HECW2: variants seen among roughly 807,000 people sequenced by gnomAD.
HECW2 encodes E3 ubiquitin-protein ligase HECW2.
Under a neutral mutation model 175.2 loss-of-function variants are expected in HECW2, and 61 were observed. That is an observed-to-expected ratio of 0.35 (90% CI 0.28 to 0.43). The LOEUF is 0.43. Among genes scored for constraint, HECW2 ranks in the 20% least tolerant of loss-of-function variants. HECW2 has a pLI of 1.00. For missense variants in HECW2, 1,524 were observed against 2,000.5 expected, an observed-to-expected ratio of 0.76 and a Z score of 4.54; for synonymous variants, 671 against 731.0, an observed-to-expected ratio of 0.92 and a Z score of 1.32.
At chr2:196,546,275 G>C (rs1426555575) in intron 1 of HECW2, among the ~76,000 whole-genome samples, 1 of 152,192 alleles carries the variant, frequency 6.6e-6, no homozygotes, top group East Asian at 1.9e-4. Context: ...GCCACAAAGA[G>C]AAGCAAGTAG....
At chr2:196,557,348 T>C (rs570766571) in intron 1 of HECW2, among the ~76,000 whole-genome samples, 3 of 151,618 alleles carry the variant, frequency 2.0e-5, no homozygotes, top group Admixed American at 6.6e-5. Flanking sequence ...TGAGCCAAGA[T>C]TGCACCATTG....
chr2:196,384,399 A>G (rs1694291229), intron 2 of HECW2, among the ~76,000 whole-genome samples: 1 of 151,892 alleles, frequency 6.6e-6, no homozygotes, highest in Non-Finnish European at 1.5e-5. Flanking sequence ...TGCATAATAT[A>G]GAAAGACCCC....
intron 1 of HECW2, among the ~76,000 whole-genome samples, chr2:196,553,686 C>T (rs950377906): frequency 6.6e-6 from 1 of 152,124 alleles, no homozygotes; most frequent in Non-Finnish European, 1.5e-5. Flanking sequence ...CTCTGATTTG[C>T]GGAACAACAG....
chr2:196,306,542 G>C lies in HECW2; in HGVS notation c.2760C>G (p.Pro920=). ...RSRITLLLQS[P]PVKFLISPEF... ...CTGGGCTGATGAGGAACTTCACGGGGGGAGACTGTAACAGCAACGTGATCC... is the reference window on the plus strand; with the variant it reads ...CTGGGCTGATGAGGAACTTCACGGGCGGAGACTGTAACAGCAACGTGATCC... The change falls in exon 13 of 29, where the codon CCC becomes CCG. Residue 920 remains proline (P), a synonymous_variant. Coordinates refer to ENST00000644978, the MANE Select transcript of HECW2 (RefSeq NM_001348768.2). 6.2e-7 allele frequency: 1 copy of C among 1,612,970 alleles called. No homozygotes were observed. The highest frequency in any genetic ancestry group is 8.5e-7 in the Non-Finnish European group (1 of 1,179,488).
intron 28 of HECW2, among the ~76,000 whole-genome samples, chr2:196,208,386 A>G (rs1367081350): frequency 1.3e-5 from 2 of 152,246 alleles, no homozygotes; most frequent in Non-Finnish European, 2.9e-5. Context: ...ACTAAAAACA[A>G]TATTTATGGA....
chr2:196,423,419 T>C (rs1695457329), intron 2 of HECW2, among the ~76,000 whole-genome samples: 2 of 152,106 alleles, frequency 1.3e-5, no homozygotes, highest in African/African-American at 4.8e-5. Context: ...CAACAATTGA[T>C]AACGTCAGAG....
intron 1 of HECW2, among the ~76,000 whole-genome samples, chr2:196,521,843 T>A (rs1402471673): frequency 6.7e-6 from 1 of 150,046 alleles, no homozygotes; most frequent in African/African-American, 2.5e-5. Context: ...TAGTATTCCA[T>A]GGTGTATATG....
At chr2:196,278,816 C>T in intron 14 of HECW2, 154 bp from the exon 15 acceptor site, 3 of 783,696 alleles carry the variant, frequency 3.8e-6, no homozygotes, top group Non-Finnish European at 6.2e-6. Context: ...TCCTTACCCA[C>T]ACAGGACAGA....
At chr2:196,274,210 A>G in intron 15 of HECW2, 87 bp from the exon 16 acceptor site, 1 of 893,312 alleles carries the variant, frequency 1.1e-6, no homozygotes, top group Non-Finnish European at 1.8e-6. Context: ...CAAAATATTA[A>G]CAATGAGCAT....
intron 2 of HECW2, among the ~76,000 whole-genome samples, chr2:196,355,991 T>C (rs1232853347): frequency 6.6e-6 from 1 of 151,922 alleles, no homozygotes; most frequent in Non-Finnish European, 1.5e-5. Context: ...AACACAAAAA[T>C]GCAAAAGCCC....
At chr2:196,244,848 G>A (rs767946608) in intron 19 of HECW2, among the ~76,000 whole-genome samples, 1 of 152,218 alleles carries the variant, frequency 6.6e-6, no homozygotes, top group African/African-American at 2.4e-5. Context: ...GATCAGAAGG[G>A]TTGGAGCCAA....
At chr2:196,256,273 A>G (rs929459074) in intron 18 of HECW2, among the ~76,000 whole-genome samples, 3 of 152,198 alleles carry the variant, frequency 2.0e-5, no homozygotes, top group Non-Finnish European at 4.4e-5. Flanking sequence ...TAGAACTATT[A>G]TATGTAAGAA....
chr2:196,339,702 T>C (rs1448100210), intron 3 of HECW2, among the ~76,000 whole-genome samples: 1 of 152,212 alleles, frequency 6.6e-6, no homozygotes, highest in Non-Finnish European at 1.5e-5. Flanking sequence ...AAACAGACAT[T>C]CTGGCCTGCC....
chr2:196,527,495 C>T (rs1296636006), intron 1 of HECW2, among the ~76,000 whole-genome samples: 2 of 152,220 alleles, frequency 1.3e-5, no homozygotes, highest in African/African-American at 2.4e-5. Flanking sequence ...GCCATCTTGG[C>T]TCCTCGAATC....
chr2:196,515,513 C>T (rs956420548), intron 1 of HECW2, among the ~76,000 whole-genome samples: 6 of 152,200 alleles, frequency 3.9e-5, no homozygotes, highest in Non-Finnish European at 7.3e-5. Flanking sequence ...CCAGTTAGAA[C>T]ACATGTGGCA....
intron 1 of HECW2, among the ~76,000 whole-genome samples, chr2:196,448,633 C>A (rs1323328215): frequency 6.6e-6 from 1 of 152,124 alleles, no homozygotes; most frequent in African/African-American, 2.4e-5. Flanking sequence ...TCCTCACTTT[C>A]TCACTCTCAT....
chr2:196,320,961 G>C (rs1336385731), intron 7 of HECW2, among the ~76,000 whole-genome samples: 1 of 152,240 alleles, frequency 6.6e-6, no homozygotes, highest in Admixed American at 6.5e-5. Flanking sequence ...CTGGGACTTA[G>C]GGGAGAGAAG....
At chr2:196,549,375 A>G (rs1162842950) in intron 1 of HECW2, among the ~76,000 whole-genome samples, 1 of 152,160 alleles carries the variant, frequency 6.6e-6, no homozygotes, top group Non-Finnish European at 1.5e-5. Flanking sequence ...TGGTTTTACC[A>G]CTTTTAAATG....
At chr2:196,286,969 A>G (rs1690414959) in intron 14 of HECW2, among the ~76,000 whole-genome samples, 1 of 152,220 alleles carries the variant, frequency 6.6e-6, no homozygotes, top group South Asian at 2.1e-4. Flanking sequence ...CATCAGTTTC[A>G]TGCAAGATTG....
Sources: allele counts gnomAD v4.1 joint callset (sites outside exome capture counted in the v4.1 genomes callset), GRCh38; gene constraint gnomAD v4.1.1; transcripts MANE v1.5; gene names NCBI Gene and HGNC (gene_info 2026-07-23, HGNC 2026-07-21).